Variants in SYCE1 observed in about 807,000 individuals in gnomAD.
The protein encoded by SYCE1 is cancer/testis antigen 76.
SYCE1 carries 37 observed loss-of-function variants against 55.1 expected under a neutral mutation model. The observed-to-expected ratio is 0.67, with a 90% CI of 0.52 to 0.88. The LOEUF is 0.88. Ranked by LOEUF, SYCE1 falls within the 40% of genes least tolerant of loss-of-function variation. The pLI, the probability that SYCE1 is intolerant of heterozygous loss-of-function variation, is 0.00. For synonymous variants in SYCE1, 163 were observed against 159.4 expected, an observed-to-expected ratio of 1.02 and a Z score of -0.17; for missense variants, 399 against 416.4, an observed-to-expected ratio of 0.96 and a Z score of 0.36.
intron 6 of SYCE1, 104 bp downstream of exon 6, chr10:133,557,760 G>A: frequency 7.6e-7 from 1 of 1,316,882 alleles, no homozygotes; most frequent in Non-Finnish European, 1.1e-6. Flanking sequence ...ATTGTTTAGA[G>A]GGAAACAATG....
downstream of SYCE1, chr10:133,554,593 A>G: frequency 2.9e-6 from 2 of 687,324 alleles, no homozygotes. Context: ...GGGGACTACC[A>G]TATGGAACCG....
Position 133,565,532 on chromosome 10 carries a change from C to A in SYCE1, c.-3G>T. 6.5e-7 allele frequency: 1 copy of A among 1,549,688 alleles called. No individual in the cohort carries two copies. Among genetic ancestry groups the A allele is most frequent in the Non-Finnish European group, 8.7e-7 (1 of 1,146,770 alleles). ...GATGTCAGGGACCTCCCCGCCATTTCCTCTCAGCTCGCCAGCGAGGGTGCC... is the reference window on the plus strand; with the variant it reads ...GATGTCAGGGACCTCCCCGCCATTTACTCTCAGCTCGCCAGCGAGGGTGCC... On this transcript the variant is annotated 5_prime_UTR_variant, in exon 1 of 13. Transcript: ENST00000343131.
At chr10:133,559,822 G>C in intron 2 of SYCE1, 1 of 489,418 alleles carries the variant, frequency 2.0e-6, no homozygotes, top group Non-Finnish European at 3.7e-6. Context: ...GGCAACTTCT[G>C]GATCTAATGG....
At chr10:133,565,614 G>A, upstream of SYCE1, 2 of 1,399,954 alleles carry the variant, frequency 1.4e-6, no homozygotes, top group African/African-American at 1.4e-5. Flanking sequence ...CAGGACTCCA[G>A]GCAGCGCGCC....
rs1165401476 is a variant in SYCE1, at chr10:133,557,851, T to G, written c.374+13A>C. On this transcript the variant is annotated intron_variant, in intron 6 of 12. Transcript: ENST00000343131. ...GAGGTAGTGCAGAGTTAGGCTCAGC[T>G]GGAAGCTCTTACCTGTGTGCCTCAC... 1.2e-6 allele frequency: 2 copies of G among 1,613,940 alleles called. No homozygotes were observed. Among genetic ancestry groups the G allele is most frequent in the Non-Finnish European group, 1.7e-6 (2 of 1,179,980 alleles).
chr10:133,566,480 T>G (rs1464791838), upstream of SYCE1, among the ~76,000 whole-genome samples: 4 of 94,938 alleles, frequency 4.2e-5, no homozygotes, highest in Admixed American at 1.4e-4. Context: ...GGGTTAGGAG[T>G]GGGGTTAGAA....
chr10:133,566,252 C>G (rs993822837), upstream of SYCE1, among the ~76,000 whole-genome samples: 1 of 152,314 alleles, frequency 6.6e-6, no homozygotes. Context: ...GGGGAGGCCG[C>G]GATGCATCGC....
intron 1 of SYCE1, 88 bp downstream of exon 1, chr10:133,565,369 G>A: frequency 8.1e-7 from 1 of 1,238,982 alleles, no homozygotes; most frequent in East Asian, 2.9e-5. Context: ...GGACTGACAG[G>A]AAGAAGCAGC....
chr10:133,563,208 C>T lies in SYCE1; in HGVS notation c.73+2249G>A, dbSNP rs190818585. ...GTAAATATCAAAAGTTTGGGTGCAT[C>T]TTATTTTCTAAGACTATGTCCTAAG... On this transcript the variant is annotated intron_variant, in intron 1 of 12. Coordinates refer to ENST00000343131, the MANE Select transcript of SYCE1 (RefSeq NM_001143764.3). Among the ~76,000 whole-genome samples the T allele has an allele frequency of 5.3e-5, 8 of 152,296 alleles. No individual in the cohort carries two copies. The East Asian group carries it at 1.5e-3, about 29-fold the overall frequency.
At position 133,557,908 on chromosome 10, in the gene SYCE1, C is replaced by T. The variant is rs964149342; in HGVS notation, c.330G>A (p.Arg110=). Residue 110 remains arginine, a synonymous_variant, in exon 6 of 13, where the codon AGG becomes AGA. Transcript: ENST00000343131. ...TTTCCTGGCAATGCAGCCGGAGGAT[C>T]CTCAGGGTCTCTGTAGGGAGAGCAA... ...EILSKKQETL[R]ILRLHCQEKE... The T allele has an allele frequency of 1.2e-6, 2 of 1,613,988 alleles. No individual in the cohort carries two copies. Among genetic ancestry groups the T allele is most frequent in the South Asian group, 1.1e-5 (1 of 91,084 alleles).
chr10:133,565,735 G>A (rs1851919010), upstream of SYCE1, among the ~76,000 whole-genome samples: 1 of 152,256 alleles, frequency 6.6e-6, no homozygotes, highest in South Asian at 2.1e-4. Context: ...GCGGCGGGAA[G>A]CCCGCCAGGG....
intron 1 of SYCE1, 102 bp from the exon 2 acceptor site, chr10:133,560,255 G>T: frequency 1.0e-6 from 1 of 956,538 alleles, no homozygotes. Flanking sequence ...CCAGAGTGGT[G>T]CCCCTTCTTC....
chr10:133,560,550 T>A (rs1386195474), intron 1 of SYCE1: 1 of 156,996 alleles, frequency 6.4e-6, no homozygotes, highest in Non-Finnish European at 1.4e-5. Flanking sequence ...CCATAAGGAT[T>A]AGTAACAAAA....
At chr10:133,566,935 T>C (rs142900836), upstream of SYCE1, among the ~76,000 whole-genome samples, 2 of 149,212 alleles carry the variant, frequency 1.3e-5, no homozygotes, top group East Asian at 2.0e-4. Flanking sequence ...TAGGGTTAGC[T>C]TCAGGGTTCG....
At chr10:133,560,601 C>G (rs1589969276) in intron 1 of SYCE1, 1 of 152,824 alleles carries the variant, frequency 6.5e-6, no homozygotes, top group African/African-American at 2.4e-5. Flanking sequence ...TAAATACAAA[C>G]AAGCTTTCCT....
chr10:133,557,630 A>G (rs1851718823), intron 6 of SYCE1: 1 of 589,200 alleles, frequency 1.7e-6, no homozygotes, highest in African/African-American at 1.9e-5. Context: ...AAAAATAAAA[A>G]CCAGCTGAAG....
downstream of SYCE1, chr10:133,554,561 A>C (rs1851604718): frequency 4.6e-6 from 3 of 651,520 alleles, no homozygotes; most frequent in Non-Finnish European, 8.3e-6. Flanking sequence ...TCTTGAGAGC[A>C]CAAACTACAC....
chr10:133,567,134 G>A (rs1325997171), upstream of SYCE1, among the ~76,000 whole-genome samples: 1 of 150,424 alleles, frequency 6.6e-6, no homozygotes, highest in East Asian at 2.0e-4. Flanking sequence ...ATGAGTTGAG[G>A]TTAGGGTTAG....
intron 1 of SYCE1, among the ~76,000 whole-genome samples, chr10:133,561,808 C>G (rs1170550341): frequency 2.6e-5 from 4 of 151,828 alleles, no homozygotes; most frequent in Non-Finnish European, 5.9e-5. Flanking sequence ...GGTCCTTTTC[C>G]TATTGGGTTT....
Sources: gnomAD v4.1 joint callset for allele counts (sites outside exome capture counted in the v4.1 genomes callset) on GRCh38, gnomAD v4.1.1 for gene constraint, MANE v1.5 for transcripts, NCBI Gene and HGNC (gene_info 2026-07-23, HGNC 2026-07-21) for gene names.